PRIM2: variants seen among roughly 807,000 people sequenced by gnomAD.
The protein encoded by PRIM2 is DNA primase large subunit.
PRIM2 carries 39 observed loss-of-function variants against 67.3 expected under a neutral mutation model. The ratio of observed to expected loss-of-function variants is 0.58; its 90% CI spans 0.45 to 0.76. The LOEUF (loss-of-function observed/expected upper bound fraction) is 0.76. Among genes scored for constraint, PRIM2 ranks in the 30% least tolerant of loss-of-function variants. The pLI is 0.00. For missense variants in PRIM2, 398 were observed against 598.7 expected (o/e 0.66, Z 3.50); for synonymous variants, 143 against 198.7 (o/e 0.72, Z 2.36).
the PRIM2 span, among the ~76,000 whole-genome samples, chr6:57,301,489 AAAAC>A: frequency 2.4e-4 from 36 of 152,176 alleles, no homozygotes; most frequent in East Asian, 7.7e-4. Flanking sequence ...TTCCATCTCA[AAAAC>A]AAACAAACAA....
intron 8 of PRIM2, among the ~76,000 whole-genome samples, chr6:57,526,354 C>A (rs1185852003): frequency 6.6e-6 from 1 of 152,156 alleles, no homozygotes; most frequent in African/African-American, 2.4e-5. Context: ...TAAATCACTG[C>A]AATTCCTTAT....
chr6:57,428,385 G>T (rs550912290), intron 7 of PRIM2, among the ~76,000 whole-genome samples: 37 of 152,282 alleles, frequency 2.4e-4, no homozygotes, highest in Non-Finnish European at 4.7e-4. Flanking sequence ...GTGTGAAATT[G>T]CTGTTAAGAT....
intron 10 of PRIM2, among the ~76,000 whole-genome samples, chr6:57,573,630 G>A (rs1303903294): frequency 2.6e-5 from 4 of 152,032 alleles, no homozygotes; most frequent in African/African-American, 7.2e-5. Flanking sequence ...TTATATATAC[G>A]TGTGTGTGTG....
At chr6:57,257,446 T>A in the PRIM2 span, among the ~76,000 whole-genome samples, 2 of 152,124 alleles carry the variant, frequency 1.3e-5, no homozygotes, top group African/African-American at 4.8e-5. Flanking sequence ...TAATTTTGTA[T>A]TTTTAGTAGA....
intron 7 of PRIM2, among the ~76,000 whole-genome samples, chr6:57,463,417 A>C (rs35997715): frequency 6.6e-6 from 1 of 152,180 alleles, no homozygotes; most frequent in Non-Finnish European, 1.5e-5. Flanking sequence ...ACTTGAGCTT[A>C]GGAGATCAAG....
intron 7 of PRIM2, among the ~76,000 whole-genome samples, chr6:57,425,120 G>A (rs1286442014): frequency 2.0e-5 from 3 of 152,014 alleles, no homozygotes; most frequent in Admixed American, 2.0e-4. Flanking sequence ...AATATGTTCT[G>A]TGTCTATCTA....
At chr6:57,329,215 A>G (rs1243318185) in intron 5 of PRIM2, among the ~76,000 whole-genome samples, 1 of 152,024 alleles carries the variant, frequency 6.6e-6, no homozygotes. Context: ...TCTTTGTCTA[A>G]TGTGAGGTCA....
At chr6:57,496,347 G>A (rs1437372019) in intron 7 of PRIM2, among the ~76,000 whole-genome samples, 27 of 152,272 alleles carry the variant, frequency 1.8e-4, no homozygotes, top group African/African-American at 5.5e-4. Flanking sequence ...TATATGTCTG[G>A]AAATAGGCTC....
At chr6:57,480,791 G>A (rs1293983339) in intron 7 of PRIM2, among the ~76,000 whole-genome samples, 1 of 152,070 alleles carries the variant, frequency 6.6e-6, no homozygotes, top group Non-Finnish European at 1.5e-5. Context: ...ACCACGCCCA[G>A]CTAGTTTTTG....
At chr6:57,339,469 C>T (rs1768391391) in intron 5 of PRIM2, among the ~76,000 whole-genome samples, 1 of 152,076 alleles carries the variant, frequency 6.6e-6, no homozygotes, top group Non-Finnish European at 1.5e-5. Context: ...TACAAGGCTA[C>T]AGTAACCAAA....
chr6:57,640,350 C>T, intron 13 of PRIM2, among the ~76,000 whole-genome samples: 1 of 152,306 alleles, frequency 6.6e-6, no homozygotes, highest in Middle Eastern at 3.4e-3. Flanking sequence ...CCTCTCTCAC[C>T]ACTCCTATTC....
chr6:57,269,613 G>A, the PRIM2 span, among the ~76,000 whole-genome samples: 1 of 151,980 alleles, frequency 6.6e-6, no homozygotes, highest in Non-Finnish European at 1.5e-5. Flanking sequence ...TTCTTTTGCT[G>A]TGCAGAAGCT....
At chr6:57,272,335 G>A in the PRIM2 span, among the ~76,000 whole-genome samples, 3 of 152,140 alleles carry the variant, frequency 2.0e-5, no homozygotes, top group Non-Finnish European at 4.4e-5. Context: ...ATATATTTAG[G>A]ATAGTTAGCT....
At chr6:57,507,215 C>T (rs1554347278) in intron 7 of PRIM2, among the ~76,000 whole-genome samples, 172 bp from the exon 8 acceptor site, 48 of 152,066 alleles carry the variant, frequency 3.2e-4, no homozygotes, top group African/African-American at 1.1e-3. Flanking sequence ...GCTTTGATCA[C>T]GTAATGTGTG....
At chr6:57,421,604 A>G (rs958688991) in intron 7 of PRIM2, among the ~76,000 whole-genome samples, 6 of 152,196 alleles carry the variant, frequency 3.9e-5, no homozygotes, top group Non-Finnish European at 4.4e-5. Context: ...TACAATGATC[A>G]TTGTTAACAG....
At chr6:57,608,713 A>C (rs1776605311) in intron 12 of PRIM2, among the ~76,000 whole-genome samples, 1 of 150,600 alleles carries the variant, frequency 6.6e-6, no homozygotes, top group African/African-American at 2.5e-5. Flanking sequence ...ACCCTGTCTC[A>C]AGAAAAAAAA....
At chr6:57,254,601 T>C in the PRIM2 span, among the ~76,000 whole-genome samples, 36 of 152,326 alleles carry the variant, frequency 2.4e-4, no homozygotes, top group South Asian at 3.7e-3. Flanking sequence ...CTCAGGCCTT[T>C]CCTGGGCCTT....
chr6:57,465,892 T>C (rs1773171386), intron 7 of PRIM2, among the ~76,000 whole-genome samples: 1 of 152,134 alleles, frequency 6.6e-6, no homozygotes, highest in African/African-American at 2.4e-5. Context: ...TACATAGGTA[T>C]ACACATATCA....
At chr6:57,514,017 G>T (rs1215364267) in intron 8 of PRIM2, among the ~76,000 whole-genome samples, 1 of 152,076 alleles carries the variant, frequency 6.6e-6, no homozygotes. Flanking sequence ...TAAGTACTTG[G>T]ACTGCATCAT....
Sources: gnomAD v4.1 joint callset for allele counts (sites outside exome capture counted in the v4.1 genomes callset) on GRCh38, gnomAD v4.1.1 for gene constraint, MANE v1.5 for transcripts, NCBI Gene and HGNC (gene_info 2026-07-23, HGNC 2026-07-21) for gene names.